The following DCBLD1 variants were observed in gnomAD, a reference collection of about 807,000 sequenced individuals.
The protein encoded by DCBLD1 is discoidin, CUB and LCCL domain containing 1.
DCBLD1 carries 57 observed loss-of-function variants against 71.5 expected under a neutral mutation model. That is an observed-to-expected ratio of 0.80 (90% confidence interval 0.64 to 0.99). The LOEUF is 0.99. Ranked by LOEUF, DCBLD1 falls within the 50% of genes least tolerant of loss-of-function variation. The pLI, the probability that DCBLD1 is intolerant of heterozygous loss-of-function variation, is 0.00. For missense variants in DCBLD1, 891 were observed against 923.5 expected (o/e 0.96, Z 0.46); for synonymous variants, 380 against 363.8 (o/e 1.04, Z -0.51).
chr6:117,525,956 T>C (rs1372813796), intron 5 of DCBLD1, among the ~76,000 whole-genome samples: 1 of 152,228 alleles, frequency 6.6e-6, no homozygotes, highest in South Asian at 2.1e-4. Flanking sequence ...CCTCCACTTG[T>C]TTCTATTTAC....
intron 14 of DCBLD1, among the ~76,000 whole-genome samples, chr6:117,569,277 T>G (rs1779759761): frequency 6.6e-6 from 1 of 152,216 alleles, no homozygotes; most frequent in Admixed American, 6.5e-5. Flanking sequence ...GAGTACTTTA[T>G]ATGTATTAAC....
intron 6 of DCBLD1, among the ~76,000 whole-genome samples, chr6:117,536,174 C>G (rs1778875836): frequency 6.6e-6 from 1 of 152,132 alleles, no homozygotes; most frequent in Admixed American, 6.5e-5. Flanking sequence ...CTCTCTGTGT[C>G]CATTATTCCC....
Position 117,538,727 on chromosome 6 carries a change from G to C in DCBLD1, c.868G>C (p.Ala290Pro). The change falls in exon 8 of 15, where the codon GCC (alanine) becomes CCC (proline). Residue 290 changes from alanine (A) to proline (P), a missense_variant. Coordinates refer to ENST00000338728, the MANE Select transcript of DCBLD1 (RefSeq NM_001366458.2). ...CCAAGTTCACTGGTCTCCTGGCCAAGCCCGACTTCAGGACCAAGGCCCATC... is the reference window on the plus strand; with the variant it reads ...CCAAGTTCACTGGTCTCCTGGCCAACCCCGACTTCAGGACCAAGGCCCATC... Reference protein sequence around the residue: ...GDQVHWSPGQARLQDQGPSWA... With the variant: ...GDQVHWSPGQPRLQDQGPSWA... The C allele has an allele frequency of 6.2e-7, 1 of 1,614,154 alleles. No homozygotes were observed. The highest frequency in any genetic ancestry group is 2.2e-5 in the East Asian group (1 of 44,872).
chr6:117,556,479 C>CT (rs560697245), intron 14 of DCBLD1, among the ~76,000 whole-genome samples: 136 of 152,252 alleles, frequency 8.9e-4, no homozygotes, highest in African/African-American at 3.2e-3. Flanking sequence ...TGGTAGTAAA[C>CT]TTTGTTTCTG....
At chr6:117,492,380 A>G (rs1427433612) in intron 1 of DCBLD1, among the ~76,000 whole-genome samples, 1 of 152,216 alleles carries the variant, frequency 6.6e-6, no homozygotes, top group African/African-American at 2.4e-5. Flanking sequence ...TGTGTGCCCA[A>G]AGTGGGAACC....
chr6:117,515,579 A>G (rs1357212573), intron 2 of DCBLD1, among the ~76,000 whole-genome samples: 1 of 152,234 alleles, frequency 6.6e-6, no homozygotes, highest in Non-Finnish European at 1.5e-5. Context: ...AACAAACAGA[A>G]TAAGTTGGAA....
chr6:117,564,224 C>G (rs907004743), intron 14 of DCBLD1, among the ~76,000 whole-genome samples: 3 of 152,140 alleles, frequency 2.0e-5, no homozygotes, highest in South Asian at 4.1e-4. Flanking sequence ...GATCCTCCTG[C>G]CTTGGCCTCC....
At position 117,548,656 on chromosome 6, in the gene DCBLD1, G is replaced by T; in HGVS notation, c.*217G>T. 1 of 1,417,612 alleles carries T rather than the reference G, an allele frequency of 7.1e-7. No homozygotes were observed. The highest frequency in any genetic ancestry group is 9.2e-7 in the Non-Finnish European group (1 of 1,092,510). 87.8% of individuals were successfully genotyped at this position (1,417,612 alleles called of 1,614,324 possible). A position where few individuals can be genotyped will look rare whatever the true frequency, so the allele number is the denominator to read the frequency against. On this transcript the variant is annotated 3_prime_UTR_variant, in exon 15 of 15. Coordinates refer to ENST00000338728, the MANE Select transcript of DCBLD1 (RefSeq NM_001366458.2). ...GCTGACCCTTAGGGTGCGTCTGTTG[G>T]GTTTTGTTGGGCTAGAAAAATGAAA...
intron 2 of DCBLD1, among the ~76,000 whole-genome samples, chr6:117,506,474 A>G (rs1469313842): frequency 2.0e-5 from 3 of 152,248 alleles, no homozygotes; most frequent in African/African-American, 2.4e-5. Flanking sequence ...GATGTGCTTA[A>G]GATAAACTAT....
At chr6:117,538,543 T>G in intron 7 of DCBLD1, 77 bp from the exon 8 acceptor site, 9 of 1,329,386 alleles carry the variant, frequency 6.8e-6, no homozygotes, top group Non-Finnish European at 9.6e-6. Context: ...TATTTCTAGG[T>G]GAGATGTGGT....
chr6:117,496,423 G>A (rs948775982), intron 1 of DCBLD1, among the ~76,000 whole-genome samples: 1 of 152,124 alleles, frequency 6.6e-6, no homozygotes, highest in Non-Finnish European at 1.5e-5. Flanking sequence ...AAGCACAATT[G>A]AAGAAGAGCA....
At position 117,537,226 on chromosome 6, in the gene DCBLD1, G is replaced by C. The variant is rs750460444; in HGVS notation, c.760+1G>C. ...AAGCGATTTCTGTTTACCTCCAATG[G>C]TAAGGATCATGCTTTCCTTAAGAAT... On this transcript the variant is annotated splice_donor_variant, in intron 7 of 14. Coordinates refer to ENST00000338728, the MANE Select transcript of DCBLD1 (RefSeq NM_001366458.2). LOFTEE classifies it high-confidence loss of function. 131 of 1,613,764 alleles carry C rather than the reference G, an allele frequency of 8.1e-5. No homozygotes were observed. Among genetic ancestry groups the C allele is most frequent in the Non-Finnish European group, 8.5e-7 (1 of 1,179,850 alleles).
intron 13 of DCBLD1, among the ~76,000 whole-genome samples, chr6:117,545,175 A>C (rs1779225232): frequency 6.6e-6 from 1 of 151,966 alleles, no homozygotes; most frequent in African/African-American, 2.4e-5. Flanking sequence ...TCTGCCTCAC[A>C]GATGCCATGC....
At chr6:117,518,039 A>G (rs1778261263) in intron 2 of DCBLD1, among the ~76,000 whole-genome samples, 1 of 152,134 alleles carries the variant, frequency 6.6e-6, no homozygotes, top group African/African-American at 2.4e-5. Flanking sequence ...TTTCTATCGC[A>G]CTGTCAGGCT....
chr6:117,517,725 C>T (rs1306448614), intron 2 of DCBLD1, among the ~76,000 whole-genome samples: 2 of 152,218 alleles, frequency 1.3e-5, no homozygotes, highest in East Asian at 3.9e-4. Context: ...AAGCTTGGGG[C>T]TTGCACCCTC....
At position 117,548,259 on chromosome 6, in the gene DCBLD1, C is replaced by G. The variant is rs966965837; in HGVS notation, c.1968C>G (p.His656Gln). Residue 656 changes from histidine (H) to glutamine (Q), a missense_variant, in exon 15 of 15, where the codon CAC (histidine) becomes CAG (glutamine). Transcript: ENST00000338728. ...AGGACGGAGACTATCAAAGGCCACA[C>G]AGCGCACAGCCTGCGGACAGGGGCT... ...GAQDGDYQRP[H>Q]SAQPADRGYD... 7 of 1,550,554 alleles carry G rather than the reference C, an allele frequency of 4.5e-6. No individual in the cohort carries two copies. In the East Asian group the frequency reaches 1.7e-4, roughly 38 times the overall value.
intron 1 of DCBLD1, 84 bp downstream of exon 1, chr6:117,482,977 AGGGCTACGG>A: frequency 8.5e-6 from 5 of 586,960 alleles, no homozygotes; most frequent in Non-Finnish European, 4.0e-6. Context: ...GGCCGGGCCG[AGGGCTACGG>A]GGCGGGCCGG....
At chr6:117,514,080 C>G (rs1388868196) in intron 2 of DCBLD1, among the ~76,000 whole-genome samples, 1 of 152,174 alleles carries the variant, frequency 6.6e-6, no homozygotes, top group African/African-American at 2.4e-5. Flanking sequence ...TTTTCCCTCT[C>G]AATGCTATCA....
chr6:117,499,250 A>AAAAAAAT (rs1777570315), intron 1 of DCBLD1, among the ~76,000 whole-genome samples: 1 of 150,850 alleles, frequency 6.6e-6, no homozygotes, highest in African/African-American at 2.5e-5. Flanking sequence ...CAAAAAAAAA[A>AAAAAAAT]AAAAAAATCT....
Sources: allele counts gnomAD v4.1 joint callset (sites outside exome capture counted in the v4.1 genomes callset), GRCh38; gene constraint gnomAD v4.1.1; transcripts MANE v1.5; gene names NCBI Gene and HGNC (gene_info 2026-07-23, HGNC 2026-07-21).